RBFOX1: variants seen among roughly 807,000 people sequenced by gnomAD.
RBFOX1 encodes RNA binding protein fox-1 homolog 1.
RBFOX1 carries 8 observed loss-of-function variants against 57.7 expected under a neutral mutation model. The ratio of observed to expected loss-of-function variants is 0.14; its 90% CI spans 0.08 to 0.25. The LOEUF is 0.25. Ranked by LOEUF, RBFOX1 falls within the 10% of genes least tolerant of loss-of-function variation. The probability of loss-of-function intolerance (pLI) is 1.00; values close to 1 mark genes in which losing one functional copy is unlikely to be tolerated. For missense variants in RBFOX1, 611 were observed against 548.5 expected, an observed-to-expected ratio of 1.11 and a Z score of -1.14; for synonymous variants, 326 against 222.4, an observed-to-expected ratio of 1.47 and a Z score of -4.15.
At chr16:6,321,754 G>A in intron 2 of RBFOX1, among the ~76,000 whole-genome samples, 1 of 152,312 alleles carries the variant, frequency 6.6e-6, no homozygotes, top group South Asian at 2.1e-4. Context: ...TTGTGTAAGT[G>A]AGAGAAATAT....
At chr16:6,139,345 G>A (rs1256577621) in intron 1 of RBFOX1, among the ~76,000 whole-genome samples, 1 of 152,146 alleles carries the variant, frequency 6.6e-6, no homozygotes, top group African/African-American at 2.4e-5. Flanking sequence ...ACCAAGGTGA[G>A]GTCCCAACTC....
At chr16:6,657,412 G>T (rs80226735) in intron 3 of RBFOX1, among the ~76,000 whole-genome samples, 5,612 of 152,008 alleles carry the variant, frequency 0.037, 253 homozygotes, top group East Asian at 0.1. Flanking sequence ...CCTGAGGGAC[G>T]GCGTGCCCCT....
At chr16:6,869,766 A>C (rs879439128) in intron 3 of RBFOX1, among the ~76,000 whole-genome samples, 13 of 152,204 alleles carry the variant, frequency 8.5e-5, no homozygotes, top group Non-Finnish European at 1.2e-4. Context: ...AATTCTAAAC[A>C]GCATCAGCTT....
At chr16:6,581,590 C>G (rs538830755) in intron 2 of RBFOX1, among the ~76,000 whole-genome samples, 1 of 152,294 alleles carries the variant, frequency 6.6e-6, no homozygotes, top group East Asian at 1.9e-4. Flanking sequence ...GGATATCGAT[C>G]TCATGTCAGT....
chr16:6,175,767 C>G (rs1431025671), intron 1 of RBFOX1, among the ~76,000 whole-genome samples: 4 of 152,150 alleles, frequency 2.6e-5, no homozygotes, highest in Admixed American at 6.5e-5. Flanking sequence ...GTGGACTGCA[C>G]TTTGAGTAGC....
At chr16:6,090,129 C>G (rs2096149939) in intron 1 of RBFOX1, 1 of 152,168 alleles carries the variant, frequency 6.6e-6, no homozygotes. Flanking sequence ...ATCTTCAAAG[C>G]CAGCATTGGT....
chr16:7,495,800 C>T (rs2068438180), intron 4 of RBFOX1, among the ~76,000 whole-genome samples: 1 of 152,186 alleles, frequency 6.6e-6, no homozygotes, highest in South Asian at 2.1e-4. Context: ...GAAATCCGCA[C>T]TAGAGAACTT....
intron 4 of RBFOX1, among the ~76,000 whole-genome samples, chr16:5,875,430 C>G (rs1240713961): frequency 2.6e-5 from 4 of 152,180 alleles, no homozygotes; most frequent in African/African-American, 9.7e-5. Context: ...CTTAATCTTT[C>G]TTTGTCTCGT....
At chr16:7,597,696 G>T (rs2094780460) in intron 9 of RBFOX1, among the ~76,000 whole-genome samples, 1 of 152,174 alleles carries the variant, frequency 6.6e-6, no homozygotes, top group Admixed American at 6.5e-5. Context: ...TAATTATTTG[G>T]AAATTAGTTT....
chr16:7,015,485 G>A (rs1271689300), intron 3 of RBFOX1, among the ~76,000 whole-genome samples: 3 of 152,194 alleles, frequency 2.0e-5, no homozygotes, highest in Admixed American at 6.5e-5. Context: ...TGTTCAGACA[G>A]AGGCTGGGGA....
rs566582242 is a variant in RBFOX1 at position 7,123,430 on chromosome 16, A to G, written c.27+71332A>G. Among the ~76,000 whole-genome samples the G allele has an allele frequency of 3.9e-5, 6 of 152,250 alleles. No homozygotes were observed. The South Asian group carries it at 1.0e-3, about 26-fold the overall frequency. On this transcript the variant is annotated intron_variant, in intron 4 of 15. Coordinates refer to ENST00000550418, the MANE Select transcript of RBFOX1 (RefSeq NM_018723.4). ...CCCAGGCTGGAGTACAGTGGTGCCA[A>G]TACAGCTCACTGTAACCTTGACCTC...
intron 3 of RBFOX1, among the ~76,000 whole-genome samples, chr16:5,825,366 C>T (rs181928844): frequency 3.3e-5 from 5 of 152,304 alleles, no homozygotes; most frequent in Admixed American, 2.0e-4. Flanking sequence ...GCAGATTCCA[C>T]CTTCATGCTC....
intron 1 of RBFOX1, among the ~76,000 whole-genome samples, chr16:6,130,715 C>T (rs1011716320): frequency 4.6e-5 from 7 of 152,132 alleles, no homozygotes; most frequent in South Asian, 2.1e-4. Flanking sequence ...GATAAGAAAG[C>T]TGGTGTGTCT....
intron 3 of RBFOX1, among the ~76,000 whole-genome samples, chr16:6,991,071 G>T (rs564928255): frequency 6.7e-6 from 1 of 150,104 alleles, no homozygotes; most frequent in African/African-American, 2.5e-5. Context: ...GGAGGCCAAG[G>T]TGGGTGGCCT....
chr16:6,766,510 C>T (rs544405356), intron 3 of RBFOX1, among the ~76,000 whole-genome samples: 15 of 151,824 alleles, frequency 9.9e-5, no homozygotes, highest in Admixed American at 2.6e-4. Flanking sequence ...GAAAATATTC[C>T]GGAATAGCAC....
intron 5 of RBFOX1, among the ~76,000 whole-genome samples, chr16:7,522,429 C>G (rs1161312961): frequency 2.0e-5 from 3 of 152,072 alleles, no homozygotes; most frequent in Non-Finnish European, 2.9e-5. Context: ...ACTGAGAAGA[C>G]ATTATTGAAG....
chr16:6,671,839 C>T (rs1001029867), intron 3 of RBFOX1, among the ~76,000 whole-genome samples: 2 of 152,156 alleles, frequency 1.3e-5, no homozygotes, highest in Non-Finnish European at 2.9e-5. Flanking sequence ...ATCAGCGTAT[C>T]CCAGTAATTA....
intron 1 of RBFOX1, among the ~76,000 whole-genome samples, chr16:6,045,838 T>C (rs2095489776): frequency 1.3e-5 from 2 of 152,108 alleles, no homozygotes; most frequent in Admixed American, 1.3e-4. Flanking sequence ...ATGTTTTAGT[T>C]AAGACACACA....
In RBFOX1 at chr16:7,183,071, G is replaced by T. The variant is rs76401772; in HGVS notation, c.27+130973G>T. The stretch of plus-strand genomic sequence containing the variant: ...TGCTTAAACACATGTATAAGTAAGC[G>T]AATGATCCCCTAACTGCCAATTTCC... On this transcript the variant is annotated intron_variant, in intron 4 of 15. Transcript: ENST00000550418. Among the ~76,000 whole-genome samples, 397 of 152,212 alleles carry T rather than the reference G, an allele frequency of 2.6e-3. 7 individuals carry two copies. The highest frequency in any genetic ancestry group is 9.8e-4 in the Admixed American group (15 of 15,280).
Sources: gnomAD v4.1 joint callset for allele counts (sites outside exome capture counted in the v4.1 genomes callset) on GRCh38, gnomAD v4.1.1 for gene constraint, MANE v1.5 for transcripts, NCBI Gene and HGNC (gene_info 2026-07-23, HGNC 2026-07-21) for gene names.